Variants in ARID1B observed in about 807,000 individuals in gnomAD.
ARID1B encodes the protein AT-rich interaction domain 1B.
Under a neutral mutation model 212.3 loss-of-function variants are expected in ARID1B, and 30 were observed. The observed-to-expected ratio is 0.14, with a 90% CI of 0.11 to 0.19. The LOEUF is 0.19. Ranked by LOEUF, ARID1B falls within the 10% of genes least tolerant of loss-of-function variation. The pLI, the probability that ARID1B is intolerant of heterozygous loss-of-function variation, is 1.00. For synonymous variants in ARID1B, 1,402 were observed against 1,301.7 expected, an observed-to-expected ratio of 1.08 and a Z score of -1.66; for missense variants, 2,891 against 3,204.0, an observed-to-expected ratio of 0.90 and a Z score of 2.36.
intron 4 of ARID1B, among the ~76,000 whole-genome samples, chr6:157,008,084 G>A (rs1316053098): frequency 6.6e-6 from 1 of 152,138 alleles, no homozygotes; most frequent in Non-Finnish European, 1.5e-5. Flanking sequence ...GCATAGATTT[G>A]TTTTTCCTTT....
intron 4 of ARID1B, among the ~76,000 whole-genome samples, chr6:157,073,619 T>A (rs749275805): frequency 5.3e-5 from 8 of 152,242 alleles, no homozygotes; most frequent in Non-Finnish European, 1.2e-4. Context: ...ATTCTCACTG[T>A]GGCATAAATG....
chr6:157,006,509 A>G (rs754557996), intron 4 of ARID1B, among the ~76,000 whole-genome samples: 10 of 152,262 alleles, frequency 6.6e-5, no homozygotes, highest in Non-Finnish European at 1.0e-4. Context: ...CATCATTTGC[A>G]TATGCCTAGG....
intron 13 of ARID1B, among the ~76,000 whole-genome samples, chr6:157,186,802 A>G (rs562673491): frequency 1.8e-3 from 280 of 152,320 alleles, no homozygotes; most frequent in African/African-American, 6.0e-3. Context: ...TTTTCACCCA[A>G]TGGTTGCTCT....
chr6:156,782,314 G>A (rs2115057624), intron 1 of ARID1B, among the ~76,000 whole-genome samples: 1 of 151,960 alleles, frequency 6.6e-6, no homozygotes, highest in Non-Finnish European at 1.5e-5. Context: ...CTATTGGGTG[G>A]CAAATGTTTT....
intron 4 of ARID1B, among the ~76,000 whole-genome samples, chr6:156,945,872 G>A (rs886552482): frequency 1.1e-4 from 16 of 151,696 alleles, no homozygotes; most frequent in African/African-American, 3.6e-4. Flanking sequence ...CCTGGGTGTG[G>A]TAGGGCATGC....
At position 157,208,387 on chromosome 6, in the gene ARID1B, A is replaced by G. The variant is rs1794616996; in HGVS notation, c.*496A>G. On this transcript the variant is annotated 3_prime_UTR_variant, in exon 20 of 20. Transcript: ENST00000636930. Reference sequence around the variant, plus strand: ...CCCATCACCCAAAGTTCTGTGCAATAGAAATTTCTACAGATACAGGTATAG... The same window carrying G: ...CCCATCACCCAAAGTTCTGTGCAATGGAAATTTCTACAGATACAGGTATAG... The G allele has an allele frequency of 4.3e-6, 1 of 233,448 alleles. No individual in the cohort carries two copies. Among genetic ancestry groups the G allele is most frequent in the Non-Finnish European group, 8.5e-6 (1 of 117,980 alleles). The allele number at this position is 233,448 out of a possible 1,614,324, so 14.5% of individuals were successfully genotyped here.
chr6:156,817,087 A>G (rs896763665), intron 1 of ARID1B, among the ~76,000 whole-genome samples: 19 of 151,970 alleles, frequency 1.3e-4, no homozygotes, highest in Admixed American at 3.9e-4. Context: ...AATTAAAAAA[A>G]AAAAAGAAAA....
intron 4 of ARID1B, among the ~76,000 whole-genome samples, chr6:156,963,626 G>A (rs377034730): frequency 6.6e-6 from 1 of 152,062 alleles, no homozygotes; most frequent in East Asian, 1.9e-4. Flanking sequence ...ATACTTAAGC[G>A]TTTAAAAAAT....
chr6:157,005,902 T>C (rs1038516884), intron 4 of ARID1B, among the ~76,000 whole-genome samples: 4 of 152,170 alleles, frequency 2.6e-5, no homozygotes, highest in Non-Finnish European at 5.9e-5. Context: ...GCTTTTGACT[T>C]TGTTTCTTAT....
At chr6:157,176,044 C>T (rs1004829649) in intron 11 of ARID1B, among the ~76,000 whole-genome samples, 1 of 152,160 alleles carries the variant, frequency 6.6e-6, no homozygotes, top group African/African-American at 2.4e-5. Flanking sequence ...ATTAATTATC[C>T]ATTCACTGGT....
At chr6:157,170,818 G>C (rs6901525) in intron 9 of ARID1B, among the ~76,000 whole-genome samples, 1 of 152,186 alleles carries the variant, frequency 6.6e-6, no homozygotes, top group Non-Finnish European at 1.5e-5. Flanking sequence ...AATGAGAGCA[G>C]TGCGTCTCCC....
At chr6:156,865,143 A>AT (rs968669739) in intron 2 of ARID1B, among the ~76,000 whole-genome samples, 1 of 151,544 alleles carries the variant, frequency 6.6e-6, no homozygotes, top group African/African-American at 2.4e-5. Flanking sequence ...TTACCCTGGG[A>AT]TTTTCCTTTA....
chr6:157,161,435 A>ATATATATAT (rs1554227931), intron 8 of ARID1B, among the ~76,000 whole-genome samples: 5 of 143,370 alleles, frequency 3.5e-5, no homozygotes, highest in African/African-American at 1.4e-4. Context: ...GTGTGTGTAT[A>ATATATATAT]TATATATATA....
At chr6:157,070,561 A>G (rs1382578332) in intron 4 of ARID1B, among the ~76,000 whole-genome samples, 2 of 152,196 alleles carry the variant, frequency 1.3e-5, no homozygotes, top group Non-Finnish European at 1.5e-5. Flanking sequence ...CTGCCCAGAT[A>G]TAATTCTTCA....
At chr6:156,952,591 G>A (rs544260515) in intron 4 of ARID1B, among the ~76,000 whole-genome samples, 35 of 152,288 alleles carry the variant, frequency 2.3e-4, no homozygotes, top group African/African-American at 6.7e-4. Context: ...GCAGCAGGCC[G>A]GTGAGCAGTG....
At chr6:156,814,459 G>A (rs1781823287) in intron 1 of ARID1B, among the ~76,000 whole-genome samples, 1 of 152,200 alleles carries the variant, frequency 6.6e-6, no homozygotes, top group Non-Finnish European at 1.5e-5. Flanking sequence ...CTTCTTTTAA[G>A]TTCAAGGTGT....
chr6:157,005,936 G>A (rs1779229434), intron 4 of ARID1B, among the ~76,000 whole-genome samples: 1 of 151,912 alleles, frequency 6.6e-6, no homozygotes, highest in Admixed American at 6.6e-5. Flanking sequence ...ATGCCATAGC[G>A]ACATTGCTAT....
At chr6:157,058,257 T>C (rs1783093116) in intron 4 of ARID1B, among the ~76,000 whole-genome samples, 1 of 151,174 alleles carries the variant, frequency 6.6e-6, no homozygotes, top group Non-Finnish European at 1.5e-5. Flanking sequence ...CAAACTACTT[T>C]ATCTTGGTCT....
intron 4 of ARID1B, among the ~76,000 whole-genome samples, chr6:157,041,725 C>G (rs994797543): frequency 6.6e-6 from 1 of 152,154 alleles, no homozygotes; most frequent in Non-Finnish European, 1.5e-5. Context: ...GGATTTGCAC[C>G]AGCAGTGTCA....
Sources: gnomAD v4.1 joint callset for allele counts (sites outside exome capture counted in the v4.1 genomes callset) on GRCh38, gnomAD v4.1.1 for gene constraint, MANE v1.5 for transcripts, NCBI Gene and HGNC (gene_info 2026-07-23, HGNC 2026-07-21) for gene names.